The following IFIH1 variants were observed in gnomAD, a reference collection of about 807,000 sequenced individuals.
IFIH1 encodes the protein interferon induced with helicase C domain 1, also known as interferon-induced helicase C domain-containing protein 1.
IFIH1 carries 125 observed loss-of-function variants against 107.4 expected under a neutral mutation model. The observed-to-expected ratio is 1.16, with a 90% CI of 1.01 to 1.35. The LOEUF is 1.35. IFIH1 is among the 40% of genes most tolerant of loss of function. The pLI is 0.00. For synonymous variants in IFIH1, 458 were observed against 413.2 expected (o/e 1.11, Z -1.31); for missense variants, 1,333 against 1,213.7 (o/e 1.10, Z -1.46).
At chr2:162,289,825 C>T (rs1029020188) in intron 4 of IFIH1, among the ~76,000 whole-genome samples, 5 of 151,942 alleles carry the variant, frequency 3.3e-5, no homozygotes, top group African/African-American at 1.2e-4. Context: ...TTATGAAAAA[C>T]TCATTTAAAA....
At chr2:162,281,763 C>T (rs1682814518) in intron 6 of IFIH1, among the ~76,000 whole-genome samples, 1 of 151,998 alleles carries the variant, frequency 6.6e-6, no homozygotes, top group Admixed American at 6.6e-5. Flanking sequence ...GTTAGACATT[C>T]TCCTTCTTTA....
chr2:162,302,548 C>T (rs1043272318), intron 3 of IFIH1, among the ~76,000 whole-genome samples: 1 of 152,134 alleles, frequency 6.6e-6, no homozygotes, highest in African/African-American at 2.4e-5. Flanking sequence ...ATATTAGAAG[C>T]TATGGAGCAC....
chr2:162,288,398 A>C (rs1162971219), intron 4 of IFIH1, 43 bp from the exon 5 acceptor site: 1 of 1,464,278 alleles, frequency 6.8e-7, no homozygotes, highest in African/African-American at 1.4e-5. Context: ...GGACAACAAA[A>C]TAACAGAGCT....
intron 3 of IFIH1, among the ~76,000 whole-genome samples, chr2:162,302,756 C>T (rs1683214713): frequency 6.6e-6 from 1 of 152,180 alleles, no homozygotes. Flanking sequence ...CCTGGAATGA[C>T]AGCAGCAGTC....
intron 13 of IFIH1, 25 bp downstream of exon 13, chr2:162,272,201 C>G (rs779861535): frequency 2.5e-6 from 4 of 1,594,684 alleles, no homozygotes; most frequent in Non-Finnish European, 3.4e-6. Context: ...AAATGAAAAT[C>G]AAATTCAGAG....
chr2:162,287,695 T>C (rs1682920994), intron 5 of IFIH1, among the ~76,000 whole-genome samples: 1 of 151,968 alleles, frequency 6.6e-6, no homozygotes. Flanking sequence ...CATCTTTGAC[T>C]AAGGGTCAAC....
intron 3 of IFIH1, among the ~76,000 whole-genome samples, chr2:162,302,551 T>C (rs1683211428): frequency 6.6e-6 from 1 of 152,224 alleles, no homozygotes; most frequent in African/African-American, 2.4e-5. Context: ...TTAGAAGCTA[T>C]GGAGCACTTT....
chr2:162,304,960 A>T (rs1041272926), intron 3 of IFIH1, among the ~76,000 whole-genome samples: 2 of 152,206 alleles, frequency 1.3e-5, no homozygotes, highest in Non-Finnish European at 2.9e-5. Flanking sequence ...ATATGTTTTT[A>T]AAAAGCAAAC....
At chr2:162,309,216 G>A (rs1201178944) in intron 2 of IFIH1, among the ~76,000 whole-genome samples, 1 of 152,204 alleles carries the variant, frequency 6.6e-6, no homozygotes, top group Non-Finnish European at 1.5e-5. Context: ...GGAATGGCAG[G>A]TTCTAGGGCT....
chr2:162,313,482 T>G (rs774183870), intron 1 of IFIH1, among the ~76,000 whole-genome samples: 29 of 152,224 alleles, frequency 1.9e-4, no homozygotes, highest in Non-Finnish European at 3.8e-4. Flanking sequence ...ATAATACAAC[T>G]CAATGCTTTC....
At position 162,282,556 on chromosome 2, in the gene IFIH1, G is replaced by A. The variant is rs1296539615; in HGVS notation, c.1116C>T (p.Leu372=). 1.2e-6 allele frequency: 2 copies of A among 1,610,146 alleles called. No individual in the cohort carries two copies. The highest frequency in any genetic ancestry group is 1.7e-6 in the Non-Finnish European group (2 of 1,177,892). ...LVNKVLLVEQ[L]FRKEFQPFLK... ...AAAATGGTTGGAACTCCTTGCGGAA[G>A]AGCTGTTCAACTAGCAGTACCTTAA... is the stretch of plus-strand genomic sequence containing the variant. The change falls in exon 6 of 16, where the codon CTC becomes CTT. Residue 372 remains leucine, a synonymous_variant. Transcript: ENST00000649979.
rs374369372 is a variant in IFIH1, at chr2:162,277,708, A to G, written c.1766-15T>C. ...TTCTTTTGCAGCTGTGAAAAAATAT[A>G]TTATGTAAGTGAAATAATAAGCATA... is the stretch of plus-strand genomic sequence containing the variant. On this transcript the variant is annotated splice_polypyrimidine_tract_variant and intron_variant, in intron 9 of 15. Coordinates refer to ENST00000649979, the MANE Select transcript of IFIH1 (RefSeq NM_022168.4). 5.5e-5 allele frequency: 87 copies of G among 1,594,458 alleles called. No individual in the cohort carries two copies. The highest frequency in any genetic ancestry group is 7.2e-5 in the Non-Finnish European group (84 of 1,171,416).
chr2:162,308,172 T>A (rs890951845), intron 2 of IFIH1, among the ~76,000 whole-genome samples: 2 of 152,186 alleles, frequency 1.3e-5, no homozygotes, highest in African/African-American at 4.8e-5. Context: ...CTCACAGTTC[T>A]GGGCACTGGA....
At chr2:162,282,090 A>T (rs1268031497) in intron 6 of IFIH1, among the ~76,000 whole-genome samples, 2 of 152,012 alleles carry the variant, frequency 1.3e-5, no homozygotes, top group African/African-American at 4.8e-5. Context: ...AGGGAAGCAG[A>T]TCTAACAACA....
intron 13 of IFIH1, among the ~76,000 whole-genome samples, chr2:162,271,864 G>A (rs955611073): frequency 6.6e-6 from 1 of 152,128 alleles, no homozygotes; most frequent in African/African-American, 2.4e-5. Flanking sequence ...CACAGTAGGC[G>A]TTTCATCTAC....
chr2:162,307,054 AT>A (rs1271262558), intron 2 of IFIH1, 199 bp from the exon 3 acceptor site: 1 of 461,340 alleles, frequency 2.2e-6, no homozygotes, highest in African/African-American at 2.0e-5. Flanking sequence ...AATAGCTGTT[AT>A]TGTTATTTTG....
intron 3 of IFIH1, among the ~76,000 whole-genome samples, chr2:162,300,710 C>T (rs939263151): frequency 4.7e-4 from 71 of 152,274 alleles, no homozygotes; most frequent in African/African-American, 1.6e-3. Flanking sequence ...TAAAGGAGTG[C>T]TCTTACTTCA....
chr2:162,277,726 TA>T (rs1272541224), intron 9 of IFIH1, 33 bp from the exon 10 acceptor site: 7 of 1,576,256 alleles, frequency 4.4e-6, no homozygotes, highest in Non-Finnish European at 6.0e-6. Context: ...AGTGAAATAA[TA>T]AGCATATAAA....
At chr2:162,286,876 G>C (rs543488427) in intron 5 of IFIH1, among the ~76,000 whole-genome samples, 11 of 152,028 alleles carry the variant, frequency 7.2e-5, no homozygotes, top group African/African-American at 2.6e-4. Context: ...TAATCCAATT[G>C]AAATTTCAGA....
Sources: gnomAD v4.1 joint callset for allele counts (sites outside exome capture counted in the v4.1 genomes callset) on GRCh38, gnomAD v4.1.1 for gene constraint, MANE v1.5 for transcripts, NCBI Gene and HGNC (gene_info 2026-07-23, HGNC 2026-07-21) for gene names.